The following GJA1 variants were observed in gnomAD, a reference collection of about 807,000 sequenced individuals.
The protein encoded by GJA1 is gap junction alpha-1 protein.
Under a neutral mutation model 31.0 loss-of-function variants are expected in GJA1, and 9 were observed. The ratio of observed to expected loss-of-function variants is 0.29; its 90% CI spans 0.17 to 0.51. The LOEUF (loss-of-function observed/expected upper bound fraction) is 0.51, where lower values mean the gene tolerates loss of function less well. GJA1 is among the 20% of genes least tolerant of loss of function. The probability of loss-of-function intolerance (pLI) is 0.98; values close to 1 mark genes in which losing one functional copy is unlikely to be tolerated. For missense variants in GJA1, 278 were observed against 468.8 expected, an observed-to-expected ratio of 0.59 and a Z score of 3.76; for synonymous variants, 186 against 180.1, an observed-to-expected ratio of 1.03 and a Z score of -0.26.
At chr6:121,439,147 T>A (rs915045105) in intron 1 of GJA1, among the ~76,000 whole-genome samples, 1 of 152,062 alleles carries the variant, frequency 6.6e-6, no homozygotes, top group Admixed American at 6.6e-5. Flanking sequence ...AAAAAAATTT[T>A]AAAAAGAAAA....
chr6:121,449,270 A>T lies in GJA1; in HGVS notation c.*1274A>T, dbSNP rs923554791. On this transcript the variant is annotated 3_prime_UTR_variant, in exon 2 of 2. Transcript: ENST00000282561. ...TTAAATGTGCCTAAATGAATTTTGC[A>T]GTAACTGGTATTCTTGGGTTTTCCT... 14 of 167,138 alleles carry T rather than the reference A, an allele frequency of 8.4e-5. No homozygotes were observed. Among genetic ancestry groups the T allele is most frequent in the African/African-American group, 3.1e-4 (13 of 41,470 alleles). The allele number at this position is 167,138 out of a possible 1,614,324, so 10.4% of individuals were successfully genotyped here. A position where few individuals can be genotyped will look rare whatever the true frequency, so the allele number is the denominator to read the frequency against.
Position 121,442,036 on chromosome 6 carries a change from C to T in GJA1, c.-16-4796C>T, listed in dbSNP as rs111257691. Among the ~76,000 whole-genome samples the T allele has an allele frequency of 8.5e-3, 1,290 of 152,278 alleles. 10 individuals carry two copies. Among genetic ancestry groups the T allele is most frequent in the South Asian group, 0.035 (168 of 4,824 alleles). On this transcript the variant is annotated intron_variant, in intron 1 of 1. Transcript: ENST00000282561. ...CAAAAAATCCATTAAATGATTTTAT[C>T]GGGAACTTCCATAGACATTTCCTTA... is the stretch of plus-strand genomic sequence containing the variant.
chr6:121,444,553 A>C (rs1773852674), intron 1 of GJA1, among the ~76,000 whole-genome samples: 1 of 152,204 alleles, frequency 6.6e-6, no homozygotes, highest in Non-Finnish European at 1.5e-5. Context: ...CATTAGACAG[A>C]AATGTAATGT....
Position 121,444,776 on chromosome 6 carries a change from C to T in GJA1, c.-16-2056C>T, listed in dbSNP as rs138689832. On this transcript the variant is annotated intron_variant, in intron 1 of 1. Transcript: ENST00000282561. Reference sequence around the variant, plus strand: ...GCTTTGCTTGTTTTTAATTATTAAACAATCTTTGACTAATTTGTCCTTTTC... The same window carrying T: ...GCTTTGCTTGTTTTTAATTATTAAATAATCTTTGACTAATTTGTCCTTTTC... Among the ~76,000 whole-genome samples the T allele has an allele frequency of 4.9e-4, 75 of 152,310 alleles. 1 individual carries two copies. In the East Asian group the frequency reaches 0.011, roughly 22 times the overall value.
At position 121,447,756 on chromosome 6, in the gene GJA1, G is replaced by A; in HGVS notation, c.909G>A (p.Lys303=). 1 of 1,614,062 alleles carries A rather than the reference G, an allele frequency of 6.2e-7. No homozygotes were observed. Among genetic ancestry groups the A allele is most frequent in the East Asian group, 2.2e-5 (1 of 44,874 alleles). The change falls in exon 2 of 2, where the codon AAG becomes AAA. Residue 303 remains lysine, a synonymous_variant. Coordinates refer to ENST00000282561, the MANE Select transcript of GJA1 (RefSeq NM_000165.5). ...RNNSSCRNYN[K]QASEQNWANY... is the part of the protein sequence containing the mutation. ...ATTCTTCTTGCCGCAATTACAACAA[G>A]CAAGCAAGTGAGCAAAACTGGGCTA...
chr6:121,437,363 TTTC>T lies in GJA1; in HGVS notation c.-17+1534_-17+1536del, dbSNP rs1204296931. Among the ~76,000 whole-genome samples, 183 of 135,052 alleles carry T rather than the reference TTTC, an allele frequency of 1.4e-3. 1 individual carries two copies. Among genetic ancestry groups the T allele is most frequent in the African/African-American group, 4.4e-3 (170 of 38,744 alleles). The allele number at this position is 135,052 out of a possible 152,430, so 88.6% of individuals were successfully genotyped here. On this transcript the variant is annotated intron_variant, in intron 1 of 1. Transcript: ENST00000282561. ...CCCTCTCACACCAGCCCTTTTTTTT[TTTC>T]TTTTTCTTTTTTCCTCTTAAACTTG...
At chr6:121,446,172 G>A (rs1773886275) in intron 1 of GJA1, among the ~76,000 whole-genome samples, 1 of 152,042 alleles carries the variant, frequency 6.6e-6, no homozygotes, top group Non-Finnish European at 1.5e-5. Context: ...GCACATGCCT[G>A]TAATCCCAGC....
chr6:121,446,226 C>T (rs375598573), intron 1 of GJA1, among the ~76,000 whole-genome samples: 27 of 151,970 alleles, frequency 1.8e-4, no homozygotes, highest in African/African-American at 6.0e-4. Context: ...ACCTAAGAGG[C>T]GGAAGTTGTG....
chr6:121,436,096 T>C (rs925780886), intron 1 of GJA1, among the ~76,000 whole-genome samples: 2 of 151,602 alleles, frequency 1.3e-5, no homozygotes, highest in Non-Finnish European at 2.9e-5. Context: ...ATTAGTTTAC[T>C]GGATGTTTGG....
chr6:121,439,323 GA>G (rs1184461402), intron 1 of GJA1, among the ~76,000 whole-genome samples: 5 of 152,026 alleles, frequency 3.3e-5, no homozygotes, highest in East Asian at 1.9e-4. Context: ...AATTCTCATT[GA>G]AAAAAATAGA....
chr6:121,447,586 T>C lies in GJA1; in HGVS notation c.739T>C (p.Tyr247His), dbSNP rs758811688. The C allele has an allele frequency of 1.2e-6, 2 of 1,613,796 alleles. No homozygotes were observed. Among genetic ancestry groups the C allele is most frequent in the Non-Finnish European group, 1.7e-6 (2 of 1,179,922 alleles). Reference sequence around the variant, plus strand: ...TCGGGTTAAGGGAAAGAGCGACCCTTACCATGCGACCAGTGGTGCGCTGAG... The same window carrying C: ...TCGGGTTAAGGGAAAGAGCGACCCTCACCATGCGACCAGTGGTGCGCTGAG... Reference protein sequence around the residue: ...KDRVKGKSDPYHATSGALSPA... With the variant: ...KDRVKGKSDPHHATSGALSPA... Residue 247 changes from tyrosine (Y) to histidine (H), a missense_variant, in exon 2 of 2, where the codon TAC becomes CAC. Tyr to His is a moderately conservative substitution (Grantham distance 83, BLOSUM62 2). This residue lies in a region of GJA1 where 172 missense variants were observed against 190.9 expected (regional missense o/e 0.90). Transcript: ENST00000282561.
rs1397411367 is a variant in GJA1 at position 121,448,380 on chromosome 6, T to G, written c.*384T>G. The G allele has an allele frequency of 1.9e-5, 5 of 269,076 alleles. No individual in the cohort carries two copies. In the Admixed American group the frequency reaches 2.5e-4, roughly 13 times the overall value. 16.7% of individuals were successfully genotyped at this position (269,076 alleles called of 1,614,324 possible). On this transcript the variant is annotated 3_prime_UTR_variant, in exon 2 of 2. Coordinates refer to ENST00000282561, the MANE Select transcript of GJA1 (RefSeq NM_000165.5). ...AAATATTTTTGTTTTACCAAGAAAC[T>G]GAAATAATTCTGGCCAGGAATAAAT... is the stretch of plus-strand genomic sequence containing the variant.
At chr6:121,437,206 A>G (rs73532215) in intron 1 of GJA1, among the ~76,000 whole-genome samples, 8,485 of 152,126 alleles carry the variant, frequency 0.056, 380 homozygotes, top group East Asian at 0.21. Flanking sequence ...GTCAAATCGA[A>G]CTCAGGTCCG....
intron 1 of GJA1, 104 bp downstream of exon 1, chr6:121,435,936 A>G (rs1409716920): frequency 2.0e-5 from 3 of 152,120 alleles, no homozygotes; most frequent in Non-Finnish European, 4.4e-5. Flanking sequence ...TTGAATTATG[A>G]TACTGTAAAT....
rs1387189062 is a variant in GJA1, at chr6:121,435,652, T to G, written c.-197T>G. On this transcript the variant is annotated 5_prime_UTR_variant, in exon 1 of 2. Coordinates refer to ENST00000282561, the MANE Select transcript of GJA1 (RefSeq NM_000165.5). ...TCTGTGCTCCAAGTTACAAAAAAGCTTTTACGAGGTATCAGCACTTTTCTT... is the reference window on the plus strand; with the variant it reads ...TCTGTGCTCCAAGTTACAAAAAAGCGTTTACGAGGTATCAGCACTTTTCTT... The G allele has an allele frequency of 2.0e-5, 3 of 152,130 alleles. No individual in the cohort carries two copies. 9.4% of individuals were successfully genotyped at this position (152,130 alleles called of 1,614,324 possible).
intron 1 of GJA1, among the ~76,000 whole-genome samples, chr6:121,446,105 G>A (rs1170478347): frequency 6.6e-6 from 1 of 152,140 alleles, no homozygotes; most frequent in Non-Finnish European, 1.5e-5. Context: ...AGACCAGCCT[G>A]AGCAACATGG....
intron 1 of GJA1, among the ~76,000 whole-genome samples, chr6:121,445,733 G>C (rs759909857): frequency 3.9e-5 from 6 of 152,114 alleles, no homozygotes; most frequent in Non-Finnish European, 8.8e-5. Context: ...TTTCAAAGTA[G>C]GTTACTACAT....
In GJA1 at chr6:121,447,720, C is replaced by T. The variant is rs767963064; in HGVS notation, c.873C>T (p.Gly291=). ...MSPPGYKLVT[G]DRNNSSCRNY... is the part of the protein sequence containing the mutation. ...CTCCTGGGTACAAGCTGGTTACTGG[C>T]GACAGAAACAATTCTTCTTGCCGCA... The change falls in exon 2 of 2, where the codon GGC becomes GGT. Residue 291 remains glycine, a synonymous_variant. Coordinates refer to ENST00000282561, the MANE Select transcript of GJA1 (RefSeq NM_000165.5). 4.3e-6 allele frequency: 7 copies of T among 1,613,928 alleles called. No individual in the cohort carries two copies. The East Asian group carries it at 6.7e-5, about 15-fold the overall frequency.
At position 121,440,119 on chromosome 6, in the gene GJA1, A is replaced by G. The variant is rs75380347; in HGVS notation, c.-17+4287A>G. Among the ~76,000 whole-genome samples, 38 of 152,292 alleles carry G rather than the reference A, an allele frequency of 2.5e-4. 1 individual carries two copies. In the East Asian group the frequency reaches 7.1e-3, roughly 29 times the overall value. ...TAAACAGGCTATTTCTTCTTGTAAT[A>G]GTGTCCTTGTCTACAATAAAATTGT... On this transcript the variant is annotated intron_variant, in intron 1 of 1. Transcript: ENST00000282561.
Sources: gnomAD v4.1 joint callset for allele counts (sites outside exome capture counted in the v4.1 genomes callset) on GRCh38, gnomAD v4.1.1 for gene constraint, gnomAD v4.1.1 regional missense constraint, MANE v1.5 for transcripts, NCBI Gene and HGNC (gene_info 2026-07-23, HGNC 2026-07-21) for gene names.